Variants in ZBTB20 observed in about 807,000 individuals in gnomAD.
ZBTB20 encodes zinc finger and BTB domain containing 20.
Under a neutral mutation model 56.9 loss-of-function variants are expected in ZBTB20, and 9 were observed. That is an observed-to-expected ratio of 0.16 (90% CI 0.10 to 0.28). ZBTB20 has a LOEUF of 0.28. Among genes scored for constraint, ZBTB20 ranks in the 10% least tolerant of loss-of-function variants. ZBTB20 has a pLI of 1.00. For missense variants in ZBTB20, 655 were observed against 1,003.0 expected (o/e 0.65, Z 4.69); for synonymous variants, 417 against 420.7 (o/e 0.99, Z 0.11).
intron 11 of ZBTB20, among the ~76,000 whole-genome samples, chr3:114,348,374 A>G (rs944545272): frequency 1.4e-4 from 21 of 152,368 alleles, no homozygotes; most frequent in African/African-American, 5.0e-4. Context: ...TCTATAAATC[A>G]TAAGATGCTA....
chr3:115,011,876 C>A (rs934201259), intron 2 of ZBTB20, among the ~76,000 whole-genome samples: 1 of 151,574 alleles, frequency 6.6e-6, no homozygotes, highest in African/African-American at 2.4e-5. Context: ...CAGTAAGATA[C>A]AAGTACAAAT....
intron 2 of ZBTB20, among the ~76,000 whole-genome samples, chr3:115,022,271 A>G (rs1385239780): frequency 1.3e-5 from 2 of 151,058 alleles, no homozygotes; most frequent in African/African-American, 4.8e-5. Flanking sequence ...TTGATATTCT[A>G]AAACATACTT....
chr3:114,999,874 A>G (rs2079176603), intron 2 of ZBTB20, among the ~76,000 whole-genome samples: 1 of 151,754 alleles, frequency 6.6e-6, no homozygotes, highest in South Asian at 2.1e-4. Context: ...ATAATAAAAC[A>G]ATTCTCAATG....
intron 2 of ZBTB20, among the ~76,000 whole-genome samples, chr3:114,987,846 A>T (rs1028590318): frequency 6.6e-6 from 1 of 152,106 alleles, no homozygotes. Context: ...TACATGTAGA[A>T]GTCAGGTACA....
intron 2 of ZBTB20, among the ~76,000 whole-genome samples, chr3:115,030,227 T>A (rs980480170): frequency 6.0e-5 from 9 of 150,874 alleles, no homozygotes; most frequent in African/African-American, 2.2e-4. Context: ...ACTGAAGAGA[T>A]CCTCCTTCCT....
intron 10 of ZBTB20, among the ~76,000 whole-genome samples, chr3:114,372,353 AGAGCAATAT>A (rs1304944096): frequency 6.6e-6 from 1 of 152,218 alleles, no homozygotes; most frequent in African/African-American, 2.4e-5. Context: ...ACTGTTTGGG[AGAGCAATAT>A]GACACAGTGT....
chr3:114,673,314 G>A (rs1406880171), intron 6 of ZBTB20, among the ~76,000 whole-genome samples: 2 of 152,062 alleles, frequency 1.3e-5, no homozygotes, highest in Non-Finnish European at 2.9e-5. Context: ...TCATTTATGT[G>A]ACTGTACCTA....
intron 11 of ZBTB20, among the ~76,000 whole-genome samples, chr3:114,342,856 C>T (rs765556906): frequency 6.6e-6 from 1 of 152,012 alleles, no homozygotes; most frequent in Non-Finnish European, 1.5e-5. Flanking sequence ...TTAAAGGTAT[C>T]GTCTACTCTC....
At chr3:114,747,563 C>CAATAA (rs1165403051) in intron 5 of ZBTB20, among the ~76,000 whole-genome samples, 2 of 151,418 alleles carry the variant, frequency 1.3e-5, no homozygotes, top group Non-Finnish European at 2.9e-5. Context: ...GATTCTGTCT[C>CAATAA]AATAAAATAA....
At chr3:114,706,182 A>C (rs1429050131) in intron 5 of ZBTB20, among the ~76,000 whole-genome samples, 1 of 152,098 alleles carries the variant, frequency 6.6e-6, no homozygotes, top group East Asian at 1.9e-4. Flanking sequence ...ATGATTCTGA[A>C]ACCTCATTTT....
At chr3:115,140,940 T>C (rs576424048) in intron 1 of ZBTB20, among the ~76,000 whole-genome samples, 3 of 152,258 alleles carry the variant, frequency 2.0e-5, no homozygotes, top group South Asian at 2.1e-4. Context: ...TGTTTGACTA[T>C]AGTTCTGTTT....
chr3:114,866,251 G>A (rs963587933), intron 4 of ZBTB20, among the ~76,000 whole-genome samples: 1 of 152,114 alleles, frequency 6.6e-6, no homozygotes, highest in Non-Finnish European at 1.5e-5. Context: ...AACCAAGTAT[G>A]TAGTGTTATC....
chr3:114,961,913 G>GTATTCT (rs1560440871), intron 3 of ZBTB20, among the ~76,000 whole-genome samples: 1 of 152,098 alleles, frequency 6.6e-6, no homozygotes, highest in African/African-American at 2.4e-5. Flanking sequence ...GAGGATAGAA[G>GTATTCT]TACTCTTACT....
intron 1 of ZBTB20, among the ~76,000 whole-genome samples, chr3:115,122,054 C>A (rs933549747): frequency 6.6e-6 from 1 of 151,984 alleles, no homozygotes; most frequent in Non-Finnish European, 1.5e-5. Context: ...AATCATACTG[C>A]AGTTTCCAGA....
At chr3:115,029,231 A>T (rs906052027) in intron 2 of ZBTB20, among the ~76,000 whole-genome samples, 7 of 150,858 alleles carry the variant, frequency 4.6e-5, no homozygotes, top group African/African-American at 1.2e-4. Context: ...ATGTTAAAAA[A>T]TTTTGAATAA....
At chr3:115,064,945 T>C (rs1384704798) in intron 2 of ZBTB20, among the ~76,000 whole-genome samples, 1 of 152,170 alleles carries the variant, frequency 6.6e-6, no homozygotes, top group African/African-American at 2.4e-5. Flanking sequence ...TTCACATTTT[T>C]ATGGGCACTC....
chr3:114,408,844 G>A (rs749179252), intron 7 of ZBTB20, among the ~76,000 whole-genome samples: 82 of 151,932 alleles, frequency 5.4e-4, no homozygotes, highest in Non-Finnish European at 9.0e-4. Flanking sequence ...AAAAATCCCC[G>A]GGAGAAGGAG....
At chr3:115,034,857 T>A (rs2080848708) in intron 2 of ZBTB20, among the ~76,000 whole-genome samples, 1 of 151,984 alleles carries the variant, frequency 6.6e-6, no homozygotes, top group African/African-American at 2.4e-5. Flanking sequence ...AACAGCACGG[T>A]ACTGGCGTAA....
At chr3:115,087,648 A>G (rs1353274854) in intron 1 of ZBTB20, among the ~76,000 whole-genome samples, 1 of 151,868 alleles carries the variant, frequency 6.6e-6, no homozygotes, top group East Asian at 1.9e-4. Context: ...ACCAACCCCA[A>G]CACTGAAAAC....
Sources: gnomAD v4.1 joint callset for allele counts (sites outside exome capture counted in the v4.1 genomes callset) on GRCh38, gnomAD v4.1.1 for gene constraint, MANE v1.5 for transcripts, NCBI Gene and HGNC (gene_info 2026-07-23, HGNC 2026-07-21) for gene names.